The following LAMB4 variants were observed in gnomAD, a reference collection of about 807,000 sequenced individuals.
LAMB4 encodes laminin subunit beta 4.
In LAMB4, 196 loss-of-function variants were observed where a neutral mutation model predicts 199.2. The ratio of observed to expected loss-of-function variants is 0.98; its 90% CI spans 0.88 to 1.11. The LOEUF is 1.11. LAMB4 is among the 50% of genes least tolerant of loss of function. The probability of loss-of-function intolerance (pLI) is 0.00; values close to 1 mark genes in which losing one functional copy is unlikely to be tolerated. For missense variants in LAMB4, 2,080 were observed against 2,171.2 expected, an observed-to-expected ratio of 0.96 and a Z score of 0.83; for synonymous variants, 744 against 770.6, an observed-to-expected ratio of 0.97 and a Z score of 0.57.
Position 108,034,330 on chromosome 7 carries a change from G to C in LAMB4, c.4696C>G (p.Leu1566Val). ...AKAAEKAANI[L>V]LNLDKTLNQL... ...TTCAATGTTTTGTCAAGATTTAATA[G>C]AATATTTGCTGCTTTCCTAAGGTAA... Residue 1566 changes from leucine (L) to valine (V), a missense_variant, in exon 31 of 34, where the codon CTA (leucine) becomes GTA (valine). Physicochemically the swap from Leu to Val is conservative, Grantham distance 32 (BLOSUM62 1). Coordinates refer to ENST00000388781, the MANE Select transcript of LAMB4 (RefSeq NM_007356.3). The C allele has an allele frequency of 6.2e-7, 1 of 1,609,594 alleles. No homozygotes were observed. Among genetic ancestry groups the C allele is most frequent in the South Asian group, 1.1e-5 (1 of 90,982 alleles).
At position 108,105,975 on chromosome 7, in the gene LAMB4, C is replaced by A. The variant is rs376111727; in HGVS notation, c.712G>T (p.Asp238Tyr). The A allele has an allele frequency of 2.5e-6, 4 of 1,614,076 alleles. No homozygotes were observed. In the African/African-American group the frequency reaches 4.0e-5, roughly 16 times the overall value. The change falls in exon 8 of 34, where the codon GAT (aspartate) becomes TAT (tyrosine). Residue 238 changes from aspartate (D) to tyrosine (Y), a missense_variant. By Grantham distance (160) the Asp-to-Tyr change is radical. Coordinates refer to ENST00000388781, the MANE Select transcript of LAMB4 (RefSeq NM_007356.3). ...INFTKLHTLG[D>Y]ALLGRRQNDS... is the part of the protein sequence containing the mutation. ...TTTTGCCTCCTTCCAAGCAAAGCATCCCCAAGGGTGTGGAGCTTGGTAAAG... is the reference window on the plus strand; with the variant it reads ...TTTTGCCTCCTTCCAAGCAAAGCATACCCAAGGGTGTGGAGCTTGGTAAAG...
intron 33 of LAMB4, chr7:108,026,919 A>C (rs761475467): frequency 1.9e-5 from 10 of 517,880 alleles, no homozygotes; most frequent in Admixed American, 1.6e-4. Context: ...AAACAGCCTC[A>C]AAAGGAAAAG....
intron 26 of LAMB4, among the ~76,000 whole-genome samples, chr7:108,051,725 A>C (rs1269396341): frequency 6.6e-6 from 1 of 152,044 alleles, no homozygotes; most frequent in Non-Finnish European, 1.5e-5. Context: ...GTCACTGAAA[A>C]TGGAGTGGCC....
chr7:108,104,487 A>T lies in LAMB4; in HGVS notation c.991+12T>A. 1 of 1,614,052 alleles carries T rather than the reference A, an allele frequency of 6.2e-7. No individual in the cohort carries two copies. Among genetic ancestry groups the T allele is most frequent in the Non-Finnish European group, 8.5e-7 (1 of 1,179,956 alleles). On this transcript the variant is annotated intron_variant, in intron 9 of 33. Transcript: ENST00000388781. ...CACACTCAGTCTATGCAGGGAACTG[A>T]GTTTCACCCACATCTGCAAGCGTTG...
intron 10 of LAMB4, 111 bp downstream of exon 10, chr7:108,102,933 T>G: frequency 1.2e-6 from 1 of 855,924 alleles, no homozygotes; most frequent in Non-Finnish European, 1.7e-6. Flanking sequence ...CTCTCCAAAA[T>G]AGGGTAGTTT....
chr7:108,047,872 T>C, intron 28 of LAMB4, 36 bp downstream of exon 28: 1 of 1,558,250 alleles, frequency 6.4e-7, no homozygotes, highest in Non-Finnish European at 8.9e-7. Flanking sequence ...TCTTTATTGC[T>C]ATAACTTTAC....
At chr7:108,129,081 C>T (rs1169444910) in intron 1 of LAMB4, among the ~76,000 whole-genome samples, 2 of 152,144 alleles carry the variant, frequency 1.3e-5, no homozygotes, top group Admixed American at 6.5e-5. Flanking sequence ...AATTTACTGA[C>T]CATTCACTTA....
At chr7:108,038,088 C>T (rs2035290606) in intron 29 of LAMB4, among the ~76,000 whole-genome samples, 1 of 152,092 alleles carries the variant, frequency 6.6e-6, no homozygotes, top group South Asian at 2.1e-4. Flanking sequence ...GATGCTACAA[C>T]TCAGAGGCCT....
At chr7:108,048,466 C>T (rs191920511) in intron 27 of LAMB4, among the ~76,000 whole-genome samples, 31 of 152,154 alleles carry the variant, frequency 2.0e-4, no homozygotes, top group African/African-American at 6.5e-4. Flanking sequence ...GCTGTCAGAA[C>T]TCTAATGCCA....
chr7:108,044,370 T>C (rs1175015614), intron 28 of LAMB4: 1 of 153,110 alleles, frequency 6.5e-6, no homozygotes, highest in Admixed American at 6.5e-5. Context: ...AAAAGCATTC[T>C]TCCTCTTAAT....
chr7:108,062,136 GT>G lies in LAMB4; in HGVS notation c.3282+637del, dbSNP rs2036182876. Among the ~76,000 whole-genome samples, 11 of 152,234 alleles carry G rather than the reference GT, an allele frequency of 7.2e-5. No homozygotes were observed. The South Asian group carries it at 2.1e-3, about 29-fold the overall frequency. On this transcript the variant is annotated intron_variant, in intron 23 of 33. Transcript: ENST00000388781. ...AAACTAAGCATGTTATTAACAAATA[GT>G]TTTTTTCCCACAAGTAATGTTATCC... is the stretch of plus-strand genomic sequence containing the variant.
intron 4 of LAMB4, 28 bp from the exon 5 acceptor site, chr7:108,109,272 T>A (rs1447068900): frequency 6.5e-7 from 1 of 1,542,450 alleles, no homozygotes; most frequent in Non-Finnish European, 8.9e-7. Flanking sequence ...AAGAAGAAAA[T>A]CAGTGATTTT....
intron 14 of LAMB4, among the ~76,000 whole-genome samples, chr7:108,080,108 A>T (rs1248165089): frequency 6.6e-6 from 1 of 152,196 alleles, no homozygotes; most frequent in Non-Finnish European, 1.5e-5. Flanking sequence ...GTTTTCTTGG[A>T]TATGACTGCG....
At position 108,047,118 on chromosome 7, in the gene LAMB4, C is replaced by G. The variant is rs576234177; in HGVS notation, c.4326+790G>C. 1.2e-3 allele frequency among the ~76,000 whole-genome samples: 190 copies of G among 152,126 alleles called. 2 individuals carry two copies. The highest frequency in any genetic ancestry group is 4.5e-3 in the African/African-American group (186 of 41,512). On this transcript the variant is annotated intron_variant, in intron 28 of 33. Coordinates refer to ENST00000388781, the MANE Select transcript of LAMB4 (RefSeq NM_007356.3). ...TCTTGACATTTCTATGTAGGTTTTGCTGTAAACAAACATGTCCACACGAGT... is the reference window on the plus strand; with the variant it reads ...TCTTGACATTTCTATGTAGGTTTTGGTGTAAACAAACATGTCCACACGAGT...
intron 18 of LAMB4, among the ~76,000 whole-genome samples, chr7:108,069,006 TC>T (rs994253484): frequency 6.6e-5 from 10 of 152,102 alleles, no homozygotes; most frequent in Non-Finnish European, 1.5e-4. Context: ...GTTTTTTATT[TC>T]CCCCTATTCC....
At chr7:108,097,000 C>T (rs1455796774) in intron 11 of LAMB4, among the ~76,000 whole-genome samples, 2 of 146,246 alleles carry the variant, frequency 1.4e-5, no homozygotes, top group Non-Finnish European at 3.0e-5. Flanking sequence ...CCCCCACACA[C>T]CAAAATAATG....
intron 6 of LAMB4, 63 bp from the exon 7 acceptor site, chr7:108,106,635 TC>T: frequency 1.1e-6 from 1 of 929,922 alleles, no homozygotes; most frequent in Non-Finnish European, 1.6e-6. Context: ...TCAAACACAC[TC>T]TTTTTTTTTT....
intron 15 of LAMB4, among the ~76,000 whole-genome samples, chr7:108,079,131 G>A (rs1301045030): frequency 1.3e-5 from 2 of 152,152 alleles, no homozygotes; most frequent in South Asian, 4.1e-4. Context: ...AAAGGTGGGC[G>A]GCAGGGGGTC....
intron 29 of LAMB4, among the ~76,000 whole-genome samples, chr7:108,038,823 C>A (rs1245912766): frequency 6.6e-6 from 1 of 152,204 alleles, no homozygotes; most frequent in Admixed American, 6.5e-5. Flanking sequence ...ACTTAGTGAA[C>A]ACCTACAATT....
Sources: gnomAD v4.1 joint callset for allele counts (sites outside exome capture counted in the v4.1 genomes callset) on GRCh38, gnomAD v4.1.1 for gene constraint, MANE v1.5 for transcripts, NCBI Gene and HGNC (gene_info 2026-07-23, HGNC 2026-07-21) for gene names.